Variants in PAX2 observed in about 807,000 individuals in gnomAD.
PAX2 encodes paired box 2.
A neutral mutation model predicts 41.7 loss-of-function variants in PAX2; 9 were observed. The observed-to-expected ratio is 0.22, with a 90% CI of 0.13 to 0.38. PAX2 has a LOEUF of 0.38. PAX2 is among the 10% of genes least tolerant of loss of function. PAX2 has a pLI of 1.00. For synonymous variants in PAX2, 221 were observed against 212.7 expected (o/e 1.04, Z -0.34); for missense variants, 418 against 531.6 (o/e 0.79, Z 2.10).
At chr10:100,798,104 CTTTTTTT>C (rs11314855) in intron 5 of PAX2, among the ~76,000 whole-genome samples, 2 of 86,536 alleles carry the variant, frequency 2.3e-5, no homozygotes, top group East Asian at 3.8e-4. Flanking sequence ...ATGTCCACCT[CTTTTTTT>C]TTTTTTTTTT....
At chr10:100,806,304 G>C in intron 5 of PAX2, 126 bp from the exon 6 acceptor site, 1 of 962,150 alleles carries the variant, frequency 1.0e-6, no homozygotes, top group East Asian at 2.4e-5. Flanking sequence ...GGGGCTGAGA[G>C]TAAGGGGTCC....
At chr10:100,740,520 C>T (rs1463672020) in intron 1 of PAX2, among the ~76,000 whole-genome samples, 1 of 152,214 alleles carries the variant, frequency 6.6e-6, no homozygotes, top group Non-Finnish European at 1.5e-5. Context: ...ACCTCCTGCC[C>T]TACCTTAGCA....
chr10:100,788,237 G>C (rs578160108), intron 5 of PAX2, among the ~76,000 whole-genome samples: 98 of 152,338 alleles, frequency 6.4e-4, no homozygotes, highest in Non-Finnish European at 1.2e-3. Flanking sequence ...CCAATTACCT[G>C]AGCAGCTCTG....
rs79673911 is a variant in PAX2 at position 100,748,152 on chromosome 10, C to G, written c.44-1594C>G. 330 of 985,128 alleles carry G rather than the reference C, an allele frequency of 3.3e-4. No individual in the cohort carries two copies. The African/African-American group carries it at 4.7e-3, about 14-fold the overall frequency. 61.0% of individuals were successfully genotyped at this position (985,128 alleles called of 1,614,324 possible). A position where few individuals can be genotyped will look rare whatever the true frequency, so the allele number is the denominator to read the frequency against. ...CCCCTTCCCATCCCCACCCCTTAGA[C>G]TGGGGCTGAGGGGCCGGGCCCTGAG... On this transcript the variant is annotated intron_variant, in intron 1 of 9. Coordinates refer to ENST00000355243, the MANE Select transcript of PAX2 (RefSeq NM_000278.5). This position sits in a 1 kb window ranked among gnomAD's most constrained non-coding sequence, Gnocchi z 5.0.
rs1845169450 is a variant in PAX2 at position 100,746,303 on chromosome 10, C to A, written c.43C>A (p.Pro15Thr). 1 of 1,590,584 alleles carries A rather than the reference C, an allele frequency of 6.3e-7. No individual in the cohort carries two copies. The highest frequency in any genetic ancestry group is 8.6e-7 in the Non-Finnish European group (1 of 1,158,834). The change falls in exon 1 of 10, where the codon CCA becomes ACA. Residue 15 changes from proline to threonine, a missense_variant and splice_region_variant. Pro to Thr is a conservative substitution (Grantham distance 38). This residue lies in a region of PAX2 where 108 missense variants were observed against 206.3 expected (regional missense o/e 0.52). Transcript: ENST00000355243. ...AGCAGACCCCTTCTCCGCGATGCAC[C>A]GTGAGTACCGGCGCCCGGCTCCTGT... ...CKADPFSAMH[P>T]GHGGVNQLGG... is the part of the protein sequence containing the mutation.
rs148417204 is a variant in PAX2 at position 100,788,476 on chromosome 10, C to T, written c.616+7111C>T. 1.6e-4 allele frequency among the ~76,000 whole-genome samples: 24 copies of T among 152,352 alleles called. 1 individual carries two copies. The East Asian group carries it at 2.7e-3, about 17-fold the overall frequency. On this transcript the variant is annotated intron_variant, in intron 5 of 9. Transcript: ENST00000355243. ...CCTGGCTTCCCAGGCCCTGGGCACT[C>T]GGGTGCAGCCTGCCATGTTGGCTGA... is the stretch of plus-strand genomic sequence containing the variant.
intron 5 of PAX2, among the ~76,000 whole-genome samples, chr10:100,805,022 AT>A (rs1847720081): frequency 3.5e-4 from 6 of 17,022 alleles, no homozygotes; most frequent in Admixed American, 1.2e-3. Flanking sequence ...TCTCTCTCAC[AT>A]ACACACACAC....
chr10:100,753,461 T>G (rs1416914811), intron 3 of PAX2, among the ~76,000 whole-genome samples: 1 of 152,230 alleles, frequency 6.6e-6, no homozygotes, highest in Non-Finnish European at 1.5e-5. Flanking sequence ...TATCAGAAAC[T>G]TTGCCTTTTA....
intron 5 of PAX2, 95 bp from the exon 6 acceptor site, chr10:100,806,335 G>T: frequency 7.6e-7 from 1 of 1,311,362 alleles, no homozygotes. Flanking sequence ...CAGAGCTCCT[G>T]GGCCCGGAAC....
At chr10:100,780,502 G>A (rs933700282) in intron 4 of PAX2, among the ~76,000 whole-genome samples, 1 of 152,182 alleles carries the variant, frequency 6.6e-6, no homozygotes, top group Non-Finnish European at 1.5e-5. Context: ...GTTGGCAGGA[G>A]CTGTTGTTTA....
intron 5 of PAX2, among the ~76,000 whole-genome samples, chr10:100,790,754 T>C (rs998480967): frequency 2.0e-5 from 3 of 152,168 alleles, no homozygotes; most frequent in African/African-American, 7.2e-5. Context: ...CTGCCCGCCC[T>C]GGAGCCCAGA....
rs1848482593 is a variant in PAX2 at position 100,824,551 on chromosome 10, C to T, written c.920-97C>T. ...CCTGCACGTCTGCACAGAGCTCTTT[C>T]CTCTCCAAGAGTTTCCTCTCCGTGC... On this transcript the variant is annotated intron_variant, in intron 7 of 9. Coordinates refer to ENST00000355243, the MANE Select transcript of PAX2 (RefSeq NM_000278.5). The surrounding 1 kb of genome is among the most constrained non-coding windows in gnomAD (Gnocchi z 6.6). 2.2e-6 allele frequency: 2 copies of T among 892,094 alleles called. No homozygotes were observed. The highest frequency in any genetic ancestry group is 3.8e-6 in the Non-Finnish European group (2 of 524,294). 55.3% of individuals were successfully genotyped at this position (892,094 alleles called of 1,614,324 possible). A position where few individuals can be genotyped will look rare whatever the true frequency, so the allele number is the denominator to read the frequency against.
At chr10:100,752,476 T>G (rs974871031) in intron 3 of PAX2, among the ~76,000 whole-genome samples, 1 of 152,164 alleles carries the variant, frequency 6.6e-6, no homozygotes, top group Non-Finnish European at 1.5e-5. Context: ...TTATGAGCCA[T>G]GTAGAGACTC....
chr10:100,737,259 A>G (rs1215514188), intron 1 of PAX2, among the ~76,000 whole-genome samples: 1 of 152,102 alleles, frequency 6.6e-6, no homozygotes, highest in African/African-American at 2.4e-5. Context: ...ACCTCGGGAA[A>G]GAGAAGGCAG....
chr10:100,746,066 G>T lies in PAX2; in HGVS notation c.-195G>T. 6.8e-7 allele frequency: 1 copy of T among 1,480,214 alleles called. No homozygotes were observed. The highest frequency in any genetic ancestry group is 8.9e-7 in the Non-Finnish European group (1 of 1,124,642). The allele number at this position is 1,480,214 out of a possible 1,614,324, so 91.7% of individuals were successfully genotyped here. A position where few individuals can be genotyped will look rare whatever the true frequency, so the allele number is the denominator to read the frequency against. On this transcript the variant is annotated 5_prime_UTR_variant, in exon 1 of 10. Transcript: ENST00000355243. ...CAAGTTGCGGCTACTGCAGTTGCAA[G>T]CTCCGGCCAACCCGGAGGAGCCCCA...
At chr10:100,808,180 G>A (rs918223365) in intron 6 of PAX2, among the ~76,000 whole-genome samples, 3 of 152,136 alleles carry the variant, frequency 2.0e-5, no homozygotes, top group African/African-American at 4.8e-5. Flanking sequence ...CGATCACAGC[G>A]AATTACTCTG....
chr10:100,746,389 G>A, intron 1 of PAX2, 86 bp downstream of exon 1: 1 of 931,506 alleles, frequency 1.1e-6, no homozygotes, highest in Non-Finnish European at 1.8e-6. Context: ...GGCCCCTCGC[G>A]CTCAGGTCCC....
At chr10:100,767,762 C>G (rs999826675) in intron 3 of PAX2, among the ~76,000 whole-genome samples, 2 of 151,990 alleles carry the variant, frequency 1.3e-5, no homozygotes, top group South Asian at 4.2e-4. Flanking sequence ...GTGACTCGCA[C>G]GAGTCAGGAG....
intron 5 of PAX2, among the ~76,000 whole-genome samples, chr10:100,801,839 C>T (rs1301594314): frequency 2.0e-5 from 3 of 152,220 alleles, no homozygotes; most frequent in East Asian, 1.9e-4. Context: ...CTCTGTACTC[C>T]GACAGACCTG....
Sources: gnomAD v4.1 joint callset for allele counts (sites outside exome capture counted in the v4.1 genomes callset) on GRCh38, gnomAD v4.1.1 for gene constraint, gnomAD v4.1.1 regional missense constraint, Gnocchi (gnomAD v3.1) non-coding constraint, MANE v1.5 for transcripts, NCBI Gene and HGNC (gene_info 2026-07-23, HGNC 2026-07-21) for gene names.